The following WDHD1 variants were observed in gnomAD, a reference collection of about 807,000 sequenced individuals.
WDHD1 encodes WD repeat and HMG-box DNA binding protein 1.
A neutral mutation model predicts 135.4 loss-of-function variants in WDHD1; 111 were observed. That is an observed-to-expected ratio of 0.82 (90% confidence interval 0.70 to 0.96). The LOEUF is 0.96. WDHD1 is among the 40% of genes least tolerant of loss of function. The pLI is 0.00. For synonymous variants in WDHD1, 434 were observed against 439.0 expected (o/e 0.99, Z 0.14); for missense variants, 1,351 against 1,336.3 (o/e 1.01, Z -0.17).
chr14:54,979,677 CT>C (rs1006688164), intron 16 of WDHD1, among the ~76,000 whole-genome samples: 1 of 152,160 alleles, frequency 6.6e-6, no homozygotes, highest in African/African-American at 2.4e-5. Flanking sequence ...ATTTATTTAA[CT>C]TTTGAACTAG....
At chr14:55,020,676 T>G (rs147297127) in intron 2 of WDHD1, among the ~76,000 whole-genome samples, 1 of 152,320 alleles carries the variant, frequency 6.6e-6, no homozygotes, top group African/African-American at 2.4e-5. Flanking sequence ...CAGCCAAAGA[T>G]GTAAAGGTGA....
intron 7 of WDHD1, among the ~76,000 whole-genome samples, chr14:55,002,405 G>A (rs923583723): frequency 2.8e-4 from 43 of 152,072 alleles, no homozygotes; most frequent in African/African-American, 1.0e-3. Flanking sequence ...TAAGTAGCTG[G>A]GACTACAGGC....
intron 2 of WDHD1, among the ~76,000 whole-genome samples, chr14:55,019,103 C>T (rs773251565): frequency 4.6e-5 from 7 of 152,124 alleles, no homozygotes; most frequent in Non-Finnish European, 8.8e-5. Flanking sequence ...AACAAGGCTA[C>T]AGCTAATTTT....
At chr14:54,966,726 T>A in intron 17 of WDHD1, 120 bp from the exon 18 acceptor site, 1 of 1,123,712 alleles carries the variant, frequency 8.9e-7, no homozygotes. Context: ...TTCCTTTCTA[T>A]AAGTTTATTT....
At chr14:55,004,986 C>A in intron 7 of WDHD1, 1 of 542,562 alleles carries the variant, frequency 1.8e-6, no homozygotes, top group Non-Finnish European at 3.6e-6. Flanking sequence ...TTGAGGAGCA[C>A]CGAACTCAGG....
chr14:54,987,532 T>C (rs1486563408), intron 13 of WDHD1, 145 bp from the exon 14 acceptor site: 2 of 642,248 alleles, frequency 3.1e-6, no homozygotes, highest in Admixed American at 3.6e-5. Flanking sequence ...TTTAAAAAAG[T>C]AATTATGAAA....
At chr14:55,015,487 A>G (rs2042245697) in intron 2 of WDHD1, among the ~76,000 whole-genome samples, 1 of 151,724 alleles carries the variant, frequency 6.6e-6, no homozygotes, top group African/African-American at 2.4e-5. Flanking sequence ...CACACATAAC[A>G]CATGGTTAAA....
chr14:54,956,823 C>T (rs1365228674), intron 23 of WDHD1, among the ~76,000 whole-genome samples: 1 of 152,134 alleles, frequency 6.6e-6, no homozygotes, highest in African/African-American at 2.4e-5. Flanking sequence ...CTCCTGGGCT[C>T]AAGTGATCCT....
chr14:55,003,038 T>C (rs2042001106), intron 7 of WDHD1, among the ~76,000 whole-genome samples: 2 of 152,122 alleles, frequency 1.3e-5, no homozygotes. Context: ...AACTGATTAG[T>C]AGAAAAAATA....
chr14:54,973,705 T>A (rs945486812), intron 16 of WDHD1, among the ~76,000 whole-genome samples: 2 of 152,166 alleles, frequency 1.3e-5, no homozygotes, highest in African/African-American at 4.8e-5. Context: ...ATATGTACAT[T>A]AACAAAATTA....
Position 54,941,570 on chromosome 14 carries a change from G to C in WDHD1, c.3310C>G (p.Leu1104Val). ...GGTTTCTGCTTTTTAGACAAATTCA[G>C]GTTCTCTTTTGCTTTTTCTTCCTGG... ...ENQEEKAKEN[L>V]NLSKKQKPLD... The change falls in exon 26 of 26, where the codon CTG becomes GTG. Residue 1104 changes from leucine to valine, a missense_variant. Around this residue, in one of 2 missense-constraint regions of WDHD1, gnomAD observed 1,330 missense variants for 1,296.1 expected, o/e 1.03. Coordinates refer to ENST00000360586, the MANE Select transcript of WDHD1 (RefSeq NM_007086.4). 6.2e-7 allele frequency: 1 copy of C among 1,613,846 alleles called. No individual in the cohort carries two copies. Among genetic ancestry groups the C allele is most frequent in the African/African-American group, 1.3e-5 (1 of 75,008 alleles).
intron 6 of WDHD1, among the ~76,000 whole-genome samples, 183 bp from the exon 7 acceptor site, chr14:55,007,558 T>A (rs566040185): frequency 6.6e-6 from 1 of 152,316 alleles, no homozygotes; most frequent in Admixed American, 6.5e-5. Context: ...AAAGGTATGA[T>A]GAGTACAAAT....
chr14:54,983,972 C>A (rs540152304), intron 15 of WDHD1, among the ~76,000 whole-genome samples: 2 of 151,976 alleles, frequency 1.3e-5, no homozygotes, highest in Non-Finnish European at 2.9e-5. Context: ...TCTTCAAAAT[C>A]CAGAGTATTT....
intron 10 of WDHD1, among the ~76,000 whole-genome samples, chr14:54,997,984 G>A (rs1390126403): frequency 6.6e-6 from 1 of 151,792 alleles, no homozygotes; most frequent in Non-Finnish European, 1.5e-5. Flanking sequence ...GGCTGCGGTG[G>A]GTGGATCACC....
chr14:54,944,354 A>G lies in WDHD1; in HGVS notation c.3167T>C (p.Val1056Ala), dbSNP rs762024112. 1 of 1,606,156 alleles carries G rather than the reference A, an allele frequency of 6.2e-7. No individual in the cohort carries two copies. The highest frequency in any genetic ancestry group is 8.5e-7 in the Non-Finnish European group (1 of 1,178,394). ...IIKEGMIRFR[V>A]LSTEERKVWA... is the part of the protein sequence containing the mutation. The stretch of plus-strand genomic sequence containing the variant: ...TACCTTTCTTTCTTCAGTTGACAAT[A>G]CTCTAAATCGAATCATTCCTTCTTT... The change falls in exon 25 of 26, where the codon GTA becomes GCA. Residue 1056 changes from valine (V) to alanine (A), a missense_variant. Physicochemically the swap from Val to Ala is moderately conservative, Grantham distance 64. Coordinates refer to ENST00000360586, the MANE Select transcript of WDHD1 (RefSeq NM_007086.4).
intron 2 of WDHD1, among the ~76,000 whole-genome samples, chr14:55,021,476 G>A (rs935731615): frequency 1.1e-4 from 16 of 151,240 alleles, no homozygotes; most frequent in African/African-American, 2.7e-4. Context: ...GCACAATCTC[G>A]GCTCACTGCA....
At chr14:54,969,485 G>A (rs1330081319) in intron 16 of WDHD1, among the ~76,000 whole-genome samples, 1 of 151,994 alleles carries the variant, frequency 6.6e-6, no homozygotes, top group African/African-American at 2.4e-5. Context: ...ATAAATTCCT[G>A]GAAACATAAA....
chr14:54,978,802 A>G (rs187008685), intron 16 of WDHD1, among the ~76,000 whole-genome samples: 140 of 152,280 alleles, frequency 9.2e-4, no homozygotes, highest in Middle Eastern at 6.8e-3. Flanking sequence ...TCCAGAAATA[A>G]CTGAATTCTG....
At position 54,963,091 on chromosome 14, in the gene WDHD1, T is replaced by C. The variant is rs368551600; in HGVS notation, c.2392A>G (p.Lys798Glu). Residue 798 changes from lysine (K) to glutamate (E), a missense_variant, in exon 19 of 26, where the codon AAA becomes GAA. By Grantham distance (56) the Lys-to-Glu change is moderately conservative (BLOSUM62 1). Around this residue, in one of 2 missense-constraint regions of WDHD1, gnomAD observed 1,330 missense variants for 1,296.1 expected, o/e 1.03. Transcript: ENST00000360586. The stretch of plus-strand genomic sequence containing the variant: ...AATTTCCGAGAGCGAGAAGCATATT[T>C]AATGGCTAAATTCACAGCATTTTGA... Reference protein sequence around the residue: ...MTQNAVNLAIKYASRSRKLIL... With the variant: ...MTQNAVNLAIEYASRSRKLIL... 1.9e-5 allele frequency: 30 copies of C among 1,606,470 alleles called. No homozygotes were observed. The highest frequency in any genetic ancestry group is 2.4e-5 in the Non-Finnish European group (28 of 1,177,460).
Sources: gnomAD v4.1 joint callset for allele counts (sites outside exome capture counted in the v4.1 genomes callset) on GRCh38, gnomAD v4.1.1 for gene constraint, gnomAD v4.1.1 regional missense constraint, MANE v1.5 for transcripts, NCBI Gene and HGNC (gene_info 2026-07-23, HGNC 2026-07-21) for gene names.